The following TIPIN variants were observed in gnomAD, a reference collection of about 807,000 sequenced individuals.
The protein encoded by TIPIN is TIMELESS-interacting protein.
In TIPIN, 29 loss-of-function variants were observed where a neutral mutation model predicts 35.6. The ratio of observed to expected loss-of-function variants is 0.82; its 90% CI spans 0.61 to 1.11. The LOEUF (loss-of-function observed/expected upper bound fraction) is 1.11, where lower values mean the gene tolerates loss of function less well. Among genes scored for constraint, TIPIN ranks in the 50% most tolerant of loss-of-function variants. The pLI is 0.00. For missense variants in TIPIN, 296 were observed against 345.4 expected, an observed-to-expected ratio of 0.86 and a Z score of 1.13; for synonymous variants, 102 against 121.5, an observed-to-expected ratio of 0.84 and a Z score of 1.06.
intron 1 of TIPIN, among the ~76,000 whole-genome samples, chr15:66,355,633 C>A (rs2093199079): frequency 6.6e-6 from 1 of 151,994 alleles, no homozygotes; most frequent in Admixed American, 6.6e-5. Flanking sequence ...CGCCTGTAGT[C>A]CCAGCTACTC....
intron 1 of TIPIN, among the ~76,000 whole-genome samples, chr15:66,361,886 G>A (rs551178729): frequency 2.0e-5 from 3 of 152,100 alleles, no homozygotes; most frequent in Non-Finnish European, 4.4e-5. Flanking sequence ...CATGCCTGTA[G>A]GAGAATCACT....
intron 7 of TIPIN, 128 bp downstream of exon 7, chr15:66,341,022 C>T: frequency 2.6e-6 from 2 of 776,824 alleles, no homozygotes; most frequent in South Asian, 3.5e-5. Context: ...CTAAAATATA[C>T]ATAAACTTAA....
chr15:66,345,618 G>A (rs191797594), intron 6 of TIPIN, among the ~76,000 whole-genome samples: 18 of 152,222 alleles, frequency 1.2e-4, no homozygotes, highest in Admixed American at 7.2e-4. Context: ...GGAGGCTGAG[G>A]CAGGAGAATC....
At chr15:66,359,154 AACACACACACACACACACAGAC>A (rs1168156936), upstream of TIPIN, among the ~76,000 whole-genome samples, 1 of 134,956 alleles carries the variant, frequency 7.4e-6, no homozygotes, top group Non-Finnish European at 1.6e-5. Context: ...CCTGTCTCAA[AACACACACACACACACACAGAC>A]ACACACACAC....
intron 1 of TIPIN, among the ~76,000 whole-genome samples, chr15:66,362,518 C>G (rs1047969453): frequency 6.6e-6 from 1 of 151,818 alleles, no homozygotes; most frequent in Non-Finnish European, 1.5e-5. Context: ...GTCTGGAGTT[C>G]GAGACCAGCC....
At chr15:66,359,525 T>C (rs2093222382), upstream of TIPIN, among the ~76,000 whole-genome samples, 1 of 151,902 alleles carries the variant, frequency 6.6e-6, no homozygotes, top group South Asian at 2.1e-4. Context: ...TTGTGTTTTT[T>C]GTATTTAGTA....
upstream of TIPIN, among the ~76,000 whole-genome samples, chr15:66,361,562 T>A (rs1210620827): frequency 9.0e-5 from 12 of 133,786 alleles, no homozygotes; most frequent in Admixed American, 3.7e-4. Context: ...ACCTGTAATT[T>A]AAAAAAAAAA....
At chr15:66,346,917 G>A (rs1380986549) in intron 6 of TIPIN, among the ~76,000 whole-genome samples, 2 of 151,744 alleles carry the variant, frequency 1.3e-5, no homozygotes, top group East Asian at 1.9e-4. Context: ...TCAGCCTCCC[G>A]AATAGCTGGG....
upstream of TIPIN, among the ~76,000 whole-genome samples, chr15:66,358,873 G>A (rs1049429088): frequency 5.3e-5 from 8 of 151,868 alleles, no homozygotes; most frequent in African/African-American, 7.3e-5. Flanking sequence ...GTGAAACCCC[G>A]TCTCAATAAA....
At chr15:66,344,693 A>AC (rs1456929434) in intron 6 of TIPIN, among the ~76,000 whole-genome samples, 2 of 151,160 alleles carry the variant, frequency 1.3e-5, no homozygotes, top group African/African-American at 4.9e-5. Flanking sequence ...TCTACAAAAA[A>AC]AAAAAGAAAA....
intron 6 of TIPIN, among the ~76,000 whole-genome samples, chr15:66,344,346 T>C (rs556561549): frequency 1.3e-4 from 20 of 151,846 alleles, no homozygotes; most frequent in East Asian, 3.9e-4. Context: ...CTTTGGGAGA[T>C]TGAGGCAGAA....
chr15:66,353,615 C>CAA (rs761338015), intron 1 of TIPIN, among the ~76,000 whole-genome samples: 11 of 99,902 alleles, frequency 1.1e-4, no homozygotes, highest in African/African-American at 3.4e-4. Context: ...CACTCTGTCT[C>CAA]AAAAAAAAAA....
chr15:66,373,836 G>A (rs1310257357), intron 1 of TIPIN, among the ~76,000 whole-genome samples: 11 of 152,080 alleles, frequency 7.2e-5, no homozygotes, highest in Admixed American at 7.2e-4. Context: ...CTGAGTAGCT[G>A]GGACCACAGG....
chr15:66,352,812 T>TA lies in TIPIN; in HGVS notation c.133+2dup, dbSNP rs763389162. 105 of 1,611,024 alleles carry TA rather than the reference T, an allele frequency of 6.5e-5. No individual in the cohort carries two copies. The highest frequency in any genetic ancestry group is 8.0e-5 in the Non-Finnish European group (94 of 1,179,394). On this transcript the variant is annotated splice_region_variant and intron_variant, in intron 2 of 7. Coordinates refer to ENST00000261881, the MANE Select transcript of TIPIN (RefSeq NM_017858.3). ...CCTCCTTTTTAAAACTCTCTATACA[T>TA]ACCTTCATCAGGCTCAGTTCCTTCA...
At chr15:66,347,819 A>G (rs1373720723) in intron 6 of TIPIN, among the ~76,000 whole-genome samples, 1 of 152,022 alleles carries the variant, frequency 6.6e-6, no homozygotes, top group Non-Finnish European at 1.5e-5. Context: ...CCTGACCTCA[A>G]GTGAACTGCC....
intron 4 of TIPIN, among the ~76,000 whole-genome samples, chr15:66,351,250 A>T (rs1363659881): frequency 2.0e-5 from 3 of 152,196 alleles, no homozygotes; most frequent in Non-Finnish European, 4.4e-5. Flanking sequence ...AGTAAATTTT[A>T]TTCCTGTAAA....
rs1298204255 is a variant in TIPIN at position 66,350,936 on chromosome 15, C to T, written c.288+589G>A. 6.0e-4 allele frequency among the ~76,000 whole-genome samples: 55 copies of T among 91,354 alleles called. No homozygotes were observed. The East Asian group carries it at 0.016, about 27-fold the overall frequency. 59.9% of individuals were successfully genotyped at this position (91,354 alleles called of 152,430 possible). ...GGCAACAGAGCAAGCAAGACTCCGTCTTAAAAAAAAAAAAAAAAAAAAAAG... is the reference window on the plus strand; with the variant it reads ...GGCAACAGAGCAAGCAAGACTCCGTTTTAAAAAAAAAAAAAAAAAAAAAAG... On this transcript the variant is annotated intron_variant, in intron 4 of 7. Coordinates refer to ENST00000261881, the MANE Select transcript of TIPIN (RefSeq NM_017858.3).
At chr15:66,338,231 G>A (rs8042593) in intron 7 of TIPIN, among the ~76,000 whole-genome samples, 94,450 of 151,896 alleles carry the variant, frequency 0.62, 29,842 homozygotes, top group East Asian at 0.82. Flanking sequence ...CTCCAGCCTG[G>A]GCAATACAGT....
At chr15:66,376,067 T>C (rs1595820305) in intron 1 of TIPIN, among the ~76,000 whole-genome samples, 1 of 152,286 alleles carries the variant, frequency 6.6e-6, no homozygotes, top group East Asian at 1.9e-4. Flanking sequence ...GCCTTTGCAC[T>C]GGAAATGGAG....
Sources: gnomAD v4.1 joint callset for allele counts (sites outside exome capture counted in the v4.1 genomes callset) on GRCh38, gnomAD v4.1.1 for gene constraint, MANE v1.5 for transcripts, NCBI Gene and HGNC (gene_info 2026-07-23, HGNC 2026-07-21) for gene names.